ATG10: variants seen among roughly 807,000 people sequenced by gnomAD.
ATG10 encodes the protein ubiquitin-like-conjugating enzyme ATG10.
ATG10 carries 30 observed loss-of-function variants against 32.1 expected under a neutral mutation model. The ratio of observed to expected loss-of-function variants is 0.94; its 90% CI spans 0.70 to 1.27. ATG10 has a LOEUF of 1.27. Ranked by LOEUF, ATG10 falls within the 50% of genes most tolerant of loss-of-function variation. ATG10 has a pLI of 0.00. For synonymous variants in ATG10, 87 were observed against 91.5 expected, an observed-to-expected ratio of 0.95 and a Z score of 0.28; for missense variants, 233 against 262.3, an observed-to-expected ratio of 0.89 and a Z score of 0.77.
intron 5 of ATG10, among the ~76,000 whole-genome samples, chr5:82,209,715 CT>C (rs1265966876): frequency 6.6e-6 from 1 of 152,042 alleles, no homozygotes; most frequent in African/African-American, 2.4e-5. Context: ...TAATTTGTGG[CT>C]TGATGATTTT....
chr5:82,199,174 CAG>C (rs1744972370), intron 5 of ATG10, among the ~76,000 whole-genome samples: 1 of 152,196 alleles, frequency 6.6e-6, no homozygotes, highest in African/African-American at 2.4e-5. Context: ...CAAATTAAAA[CAG>C]TATCACCAGT....
chr5:82,172,892 TG>T (rs1313107409), intron 4 of ATG10, among the ~76,000 whole-genome samples: 4 of 152,320 alleles, frequency 2.6e-5, no homozygotes, highest in African/African-American at 9.6e-5. Context: ...CGTGAACAAT[TG>T]CACTCATTTC....
rs141032468 is a variant in ATG10, at chr5:82,041,200, G to A, written c.109-17295G>A. Among the ~76,000 whole-genome samples the A allele has an allele frequency of 5.5e-4, 84 of 152,178 alleles. 1 individual carries two copies. The highest frequency in any genetic ancestry group is 1.2e-3 in the South Asian group (6 of 4,816). On this transcript the variant is annotated intron_variant, in intron 2 of 7. Coordinates refer to ENST00000282185, the MANE Select transcript of ATG10 (RefSeq NM_031482.5). ...TGAGGGCAGAGACTATGTTCTGTTC[G>A]TGTTGTTTTCATTGTAAAAGTTACT...
intron 2 of ATG10, among the ~76,000 whole-genome samples, chr5:82,021,974 G>A (rs184831769): frequency 6.7e-6 from 1 of 149,006 alleles, no homozygotes; most frequent in Non-Finnish European, 1.5e-5. Context: ...AGTGAACCGA[G>A]ATCACGCCAT....
At chr5:82,138,960 C>A (rs1766905170) in intron 3 of ATG10, among the ~76,000 whole-genome samples, 1 of 149,300 alleles carries the variant, frequency 6.7e-6, no homozygotes. Context: ...CTGCCTGATT[C>A]TCCTGCCTCA....
intron 3 of ATG10, among the ~76,000 whole-genome samples, chr5:82,099,530 T>C (rs1561297913): frequency 6.6e-6 from 1 of 152,062 alleles, no homozygotes; most frequent in Admixed American, 6.5e-5. Context: ...ATAGTGACAA[T>C]GAAGGTAATA....
intron 2 of ATG10, among the ~76,000 whole-genome samples, chr5:82,007,688 A>T (rs1187691720): frequency 6.6e-6 from 1 of 152,156 alleles, no homozygotes; most frequent in African/African-American, 2.4e-5. Context: ...TCCTGGGCTC[A>T]AGTGATCCTC....
rs185558964 is a variant in ATG10 at position 82,013,068 on chromosome 5, T to G, written c.108+25390T>G. Among the ~76,000 whole-genome samples the G allele has an allele frequency of 2.5e-3, 375 of 152,072 alleles. 3 individuals carry two copies. Among genetic ancestry groups the G allele is most frequent in the African/African-American group, 8.7e-3 (359 of 41,462 alleles). On this transcript the variant is annotated intron_variant, in intron 2 of 7. Transcript: ENST00000282185. ...CCTGCACCTCCCGGGTTCCAGTGAT[T>G]CTCCTGCCTCAGCCTCCCGAGTAGT...
chr5:82,081,747 G>A (rs924600151), intron 3 of ATG10, among the ~76,000 whole-genome samples: 1 of 152,156 alleles, frequency 6.6e-6, no homozygotes, highest in African/African-American at 2.4e-5. Flanking sequence ...ATGTGCTGCT[G>A]GATTCGGTTT....
At chr5:82,130,401 A>G (rs937860944) in intron 3 of ATG10, among the ~76,000 whole-genome samples, 10 of 151,936 alleles carry the variant, frequency 6.6e-5, no homozygotes, top group African/African-American at 2.4e-4. Flanking sequence ...TTAAAAAAAA[A>G]GCCCTGCAGC....
At chr5:81,990,279 T>A (rs1360462533) in intron 2 of ATG10, among the ~76,000 whole-genome samples, 1 of 152,256 alleles carries the variant, frequency 6.6e-6, no homozygotes, top group Non-Finnish European at 1.5e-5. Context: ...TGACCTGTAA[T>A]AATTTGTGTG....
At chr5:82,137,108 C>G (rs183825107) in intron 3 of ATG10, among the ~76,000 whole-genome samples, 5 of 152,154 alleles carry the variant, frequency 3.3e-5, no homozygotes, top group Non-Finnish European at 7.4e-5. Flanking sequence ...TTAGCAATTC[C>G]TCTACCCATT....
At chr5:82,017,381 T>A (rs917567658) in intron 2 of ATG10, among the ~76,000 whole-genome samples, 1 of 152,184 alleles carries the variant, frequency 6.6e-6, no homozygotes, top group East Asian at 1.9e-4. Flanking sequence ...CTTTACTGAT[T>A]TGGATGCCCT....
chr5:82,124,037 T>A (rs1766150738), intron 3 of ATG10, among the ~76,000 whole-genome samples: 1 of 151,812 alleles, frequency 6.6e-6, no homozygotes, highest in African/African-American at 2.4e-5. Flanking sequence ...AAAAATGGGC[T>A]ATCTACTTTT....
At chr5:81,994,691 T>TTTTA (rs1761609422) in intron 2 of ATG10, among the ~76,000 whole-genome samples, 1 of 152,206 alleles carries the variant, frequency 6.6e-6, no homozygotes, top group African/African-American at 2.4e-5. Context: ...GGGTAATCAG[T>TTTTA]TTTACCCTTG....
intron 3 of ATG10, among the ~76,000 whole-genome samples, chr5:82,160,151 A>G (rs1361037830): frequency 6.6e-6 from 1 of 152,156 alleles, no homozygotes; most frequent in Non-Finnish European, 1.5e-5. Flanking sequence ...CATCACCACA[A>G]AGATATCTCA....
intron 3 of ATG10, among the ~76,000 whole-genome samples, chr5:82,092,515 C>T (rs1581682552): frequency 6.6e-6 from 1 of 152,272 alleles, no homozygotes; most frequent in African/African-American, 2.4e-5. Context: ...TAGGTCTCAC[C>T]TGGAGTCAAT....
chr5:82,247,618 C>T (rs1411891232), intron 5 of ATG10, among the ~76,000 whole-genome samples: 1 of 152,020 alleles, frequency 6.6e-6, no homozygotes, highest in Non-Finnish European at 1.5e-5. Context: ...TTTGTAAATC[C>T]AACATGTGAG....
intron 1 of ATG10, among the ~76,000 whole-genome samples, chr5:81,980,763 T>C (rs1007215840): frequency 6.6e-6 from 1 of 152,090 alleles, no homozygotes; most frequent in African/African-American, 2.4e-5. Context: ...ACCTCAGGGC[T>C]TTACCTTCCA....
Sources: allele counts gnomAD v4.1 joint callset (sites outside exome capture counted in the v4.1 genomes callset), GRCh38; gene constraint gnomAD v4.1.1; transcripts MANE v1.5; gene names NCBI Gene and HGNC (gene_info 2026-07-23, HGNC 2026-07-21).